The following PXYLP1 variants were observed in gnomAD, a reference collection of about 807,000 sequenced individuals.
The protein encoded by PXYLP1 is acid phosphatase-like 2.
A neutral mutation model predicts 37.9 loss-of-function variants in PXYLP1; 17 were observed. That is an observed-to-expected ratio of 0.45 (90% CI 0.31 to 0.67). The LOEUF (loss-of-function observed/expected upper bound fraction) is 0.67, where lower values mean the gene tolerates loss of function less well. Among genes scored for constraint, PXYLP1 ranks in the 30% least tolerant of loss-of-function variants. PXYLP1 has a pLI of 0.07. For synonymous variants in PXYLP1, 221 were observed against 232.2 expected (o/e 0.95, Z 0.44); for missense variants, 511 against 612.0 (o/e 0.84, Z 1.74).
chr3:141,254,675 T>C (rs1194917566), intron 1 of PXYLP1, among the ~76,000 whole-genome samples: 1 of 152,166 alleles, frequency 6.6e-6, no homozygotes, highest in East Asian at 1.9e-4. Context: ...TACCTTTGCT[T>C]GACTCATATT....
intron 4 of PXYLP1, 93 bp downstream of exon 4, chr3:141,279,597 G>A: frequency 6.7e-7 from 1 of 1,500,316 alleles, no homozygotes; most frequent in Admixed American, 1.8e-5. Flanking sequence ...GAACCATACT[G>A]TTTGCAGGAG....
chr3:141,292,837 C>T lies in PXYLP1; in HGVS notation c.1075C>T (p.Arg359Trp). 1.9e-6 allele frequency: 3 copies of T among 1,614,002 alleles called. No individual in the cohort carries two copies. The highest frequency in any genetic ancestry group is 2.5e-6 in the Non-Finnish European group (3 of 1,179,958). Residue 359 changes from arginine (R) to tryptophan (W), a missense_variant, in exon 6 of 6, where the codon CGG (arginine) becomes TGG (tryptophan). Physicochemically the swap from Arg to Trp is moderately radical, Grantham distance 101 (BLOSUM62 -3). Transcript: ENST00000286353. This position sits in a 1 kb window ranked among gnomAD's most constrained non-coding sequence, Gnocchi z 4.3. ...CCCCATCCTGAACCAAACCATCGGC[C>T]GGATGCAGCGTGCCACCGAGGGCAG... ...AHPILNQTIG[R>W]MQRATEGRKE...
chr3:141,279,316 C>T, intron 3 of PXYLP1, 62 bp from the exon 4 acceptor site: 1 of 1,598,064 alleles, frequency 6.3e-7, no homozygotes, highest in South Asian at 1.1e-5. Context: ...TCCCCTTGGC[C>T]CCCTTCTAAA....
intron 2 of PXYLP1, among the ~76,000 whole-genome samples, chr3:141,264,046 G>C (rs1178352642): frequency 6.6e-6 from 1 of 152,218 alleles, no homozygotes; most frequent in Non-Finnish European, 1.5e-5. Context: ...CGTTGGCCAT[G>C]ATGGGGTTAA....
intron 4 of PXYLP1, among the ~76,000 whole-genome samples, chr3:141,285,020 C>G (rs1942038083): frequency 6.6e-6 from 1 of 152,170 alleles, no homozygotes; most frequent in African/African-American, 2.4e-5. Context: ...AGGGATGGAG[C>G]AGTGGACCAG....
At chr3:141,260,339 G>A (rs899645542) in intron 2 of PXYLP1, 85 bp downstream of exon 2, 21 of 1,467,908 alleles carry the variant, frequency 1.4e-5, no homozygotes, top group East Asian at 4.6e-5. Context: ...TTTTATAAAT[G>A]AATGATGAGG....
At chr3:141,247,316 A>G (rs1418600895) in intron 1 of PXYLP1, among the ~76,000 whole-genome samples, 1 of 152,248 alleles carries the variant, frequency 6.6e-6, no homozygotes, top group African/African-American at 2.4e-5. Context: ...AAACCACTAG[A>G]AGACCAGAGA....
chr3:141,253,913 T>C (rs1489105803), intron 1 of PXYLP1, among the ~76,000 whole-genome samples: 4 of 148,686 alleles, frequency 2.7e-5, no homozygotes, highest in African/African-American at 9.8e-5. Context: ...TGAATATATA[T>C]ATAATTTTTA....
At chr3:141,270,737 G>A (rs1423531430) in intron 2 of PXYLP1, among the ~76,000 whole-genome samples, 2 of 152,200 alleles carry the variant, frequency 1.3e-5, no homozygotes, top group Admixed American at 1.3e-4. Context: ...GTGGCCAAGA[G>A]GAGAAGGGAG....
chr3:141,267,332 C>T (rs1941543351), intron 2 of PXYLP1: 3 of 152,160 alleles, frequency 2.0e-5, no homozygotes, highest in African/African-American at 7.2e-5. Flanking sequence ...CGTACTGCGT[C>T]CTCTATTCTA....
intron 2 of PXYLP1, among the ~76,000 whole-genome samples, chr3:141,270,038 C>T (rs1311917790): frequency 1.3e-5 from 2 of 152,244 alleles, no homozygotes; most frequent in Admixed American, 6.5e-5. Context: ...GGAGATAGAG[C>T]GTGCAAATAG....
intron 2 of PXYLP1, among the ~76,000 whole-genome samples, chr3:141,263,602 T>C (rs2148764145): frequency 6.6e-6 from 1 of 152,330 alleles, no homozygotes; most frequent in South Asian, 2.1e-4. Context: ...TGTGCTCATT[T>C]GTAATCATTC....
intron 2 of PXYLP1, among the ~76,000 whole-genome samples, chr3:141,268,449 C>T (rs976653748): frequency 4.6e-5 from 7 of 152,088 alleles, no homozygotes; most frequent in South Asian, 2.1e-4. Flanking sequence ...GCAGAGTGTG[C>T]GCCTGCTGAG....
At chr3:141,262,617 A>C in intron 2 of PXYLP1, 1 of 1,478,312 alleles carries the variant, frequency 6.8e-7, no homozygotes, top group South Asian at 1.4e-5. Flanking sequence ...TTTAAGGAAA[A>C]TTTTGCAGGG....
Position 141,278,356 on chromosome 3 carries a change from G to T in PXYLP1, c.94G>T (p.Val32Leu). The T allele has an allele frequency of 6.2e-7, 1 of 1,614,196 alleles. No homozygotes were observed. The change falls in exon 3 of 6, where the codon GTG becomes TTG. Residue 32 changes from valine (V) to leucine (L), a missense_variant. Transcript: ENST00000286353. The stretch of plus-strand genomic sequence containing the variant: ...CTTCGTTTCAGTCCACCTGATCCCG[G>T]TGTCGACTCCTAAGAATGGAATGAG... ...LSLQFFHLIP[V>L]STPKNGMSSK...
chr3:141,283,311 A>G (rs1247578898), intron 4 of PXYLP1, among the ~76,000 whole-genome samples: 1 of 151,996 alleles, frequency 6.6e-6, no homozygotes, highest in Non-Finnish European at 1.5e-5. Context: ...GCTCAGGGGC[A>G]CTGGCTTGCT....
Position 141,265,147 on chromosome 3 carries a change from G to GT in PXYLP1, c.79+4895dup, listed in dbSNP as rs1344081535. Among the ~76,000 whole-genome samples the GT allele has an allele frequency of 3.9e-5, 6 of 152,236 alleles. No individual in the cohort carries two copies. The East Asian group carries it at 9.6e-4, about 24-fold the overall frequency. On this transcript the variant is annotated intron_variant, in intron 2 of 5. Transcript: ENST00000286353. ...GGCCCAGGTGAGTCACCTGTAGGTA[G>GT]TTGTGAAGTTGGAACAAAGTCTGGG... is the stretch of plus-strand genomic sequence containing the variant.
intron 1 of PXYLP1, among the ~76,000 whole-genome samples, chr3:141,237,928 T>TCA (rs1218091054): frequency 6.6e-6 from 1 of 152,222 alleles, no homozygotes; most frequent in Non-Finnish European, 1.5e-5. Context: ...GTTTTAACTG[T>TCA]CACTCTTGGC....
chr3:141,260,068 C>A, intron 1 of PXYLP1, 55 bp from the exon 2 acceptor site: 1 of 1,331,938 alleles, frequency 7.5e-7, no homozygotes, highest in Non-Finnish European at 1.0e-6. Context: ...TTTCAGTTGA[C>A]AAATTTAGTT....
Sources: gnomAD v4.1 joint callset for allele counts (sites outside exome capture counted in the v4.1 genomes callset) on GRCh38, gnomAD v4.1.1 for gene constraint, Gnocchi (gnomAD v3.1) non-coding constraint, MANE v1.5 for transcripts, NCBI Gene and HGNC (gene_info 2026-07-23, HGNC 2026-07-21) for gene names.